The following MAGI2 variants were observed in gnomAD, a reference collection of about 807,000 sequenced individuals.
The protein encoded by MAGI2 is membrane associated guanylate kinase, WW and PDZ domain containing 2.
In MAGI2, 35 loss-of-function variants were observed where a neutral mutation model predicts 133.3. The ratio of observed to expected loss-of-function variants is 0.26; its 90% CI spans 0.20 to 0.35. The LOEUF is 0.35. MAGI2 is among the 10% of genes least tolerant of loss of function. The pLI, the probability that MAGI2 is intolerant of heterozygous loss-of-function variation, is 1.00. For missense variants in MAGI2, 1,636 were observed against 1,863.4 expected, an observed-to-expected ratio of 0.88 and a Z score of 2.25; for synonymous variants, 729 against 710.6, an observed-to-expected ratio of 1.03 and a Z score of -0.41.
intron 1 of MAGI2, among the ~76,000 whole-genome samples, chr7:79,086,105 C>T (rs1304957799): frequency 3.3e-5 from 5 of 151,864 alleles, no homozygotes; most frequent in African/African-American, 1.2e-4. Context: ...TGTTTTTAGC[C>T]TGTCTCTCAT....
intron 21 of MAGI2, among the ~76,000 whole-genome samples, chr7:78,064,246 C>T (rs1307021063): frequency 1.3e-5 from 2 of 151,742 alleles, no homozygotes; most frequent in Non-Finnish European, 2.9e-5. Flanking sequence ...CAGCAAGTTA[C>T]CTTTTGAGAG....
intron 1 of MAGI2, among the ~76,000 whole-genome samples, chr7:79,162,254 C>G (rs1824442175): frequency 6.6e-6 from 1 of 151,898 alleles, no homozygotes; most frequent in South Asian, 2.1e-4. Context: ...TTTTTCTATT[C>G]TGACACACAA....
rs1194623727 is a variant in MAGI2 at position 79,398,305 on chromosome 7, A to G, written c.301+54715T>C. 2.6e-5 allele frequency among the ~76,000 whole-genome samples: 4 copies of G among 152,302 alleles called. No homozygotes were observed. In the East Asian group the frequency reaches 7.7e-4, roughly 29 times the overall value. The stretch of plus-strand genomic sequence containing the variant: ...AGAAGCTTAGTATAGAGCACTATCC[A>G]TTCGGCCTGTGTCTCATTTCCCTTG... On this transcript the variant is annotated intron_variant, in intron 1 of 21. Coordinates refer to ENST00000354212, the MANE Select transcript of MAGI2 (RefSeq NM_012301.4).
chr7:79,060,086 C>CT (rs956152910), intron 1 of MAGI2, among the ~76,000 whole-genome samples: 6 of 151,918 alleles, frequency 3.9e-5, no homozygotes, highest in African/African-American at 7.2e-5. Context: ...AATCAATGGC[C>CT]TTTTTTTATC....
chr7:78,314,951 G>C (rs1256180738), intron 9 of MAGI2, among the ~76,000 whole-genome samples: 1 of 152,098 alleles, frequency 6.6e-6, no homozygotes, highest in African/African-American at 2.4e-5. Flanking sequence ...TATTACGGGT[G>C]GACTTTATCC....
intron 6 of MAGI2, among the ~76,000 whole-genome samples, chr7:78,396,505 T>A (rs541656580): frequency 2.6e-5 from 4 of 152,316 alleles, no homozygotes; most frequent in South Asian, 4.1e-4. Flanking sequence ...ATCATTCAAA[T>A]CTCCTTTCAC....
At chr7:79,189,430 A>T (rs1827458872) in intron 1 of MAGI2, among the ~76,000 whole-genome samples, 1 of 151,594 alleles carries the variant, frequency 6.6e-6, no homozygotes, top group Non-Finnish European at 1.5e-5. Flanking sequence ...ATTAAAAGTA[A>T]ATTTTCTGGA....
intron 1 of MAGI2, among the ~76,000 whole-genome samples, chr7:79,215,645 T>G (rs916467291): frequency 2.0e-5 from 3 of 151,996 alleles, no homozygotes; most frequent in African/African-American, 7.3e-5. Context: ...TCCACCTCCC[T>G]GACCCCCTCC....
chr7:79,403,076 C>T (rs1283071126), intron 1 of MAGI2, among the ~76,000 whole-genome samples: 1 of 152,198 alleles, frequency 6.6e-6, no homozygotes, highest in Non-Finnish European at 1.5e-5. Flanking sequence ...CACAGACACA[C>T]ACTCACTCAT....
intron 1 of MAGI2, among the ~76,000 whole-genome samples, chr7:79,342,910 C>A (rs548258812): frequency 4.7e-4 from 71 of 152,122 alleles, no homozygotes; most frequent in African/African-American, 1.6e-3. Flanking sequence ...CAGGCACGTG[C>A]CACCATGCCT....
At chr7:79,136,093 G>GAAAT (rs1562929332) in intron 1 of MAGI2, among the ~76,000 whole-genome samples, 1 of 149,342 alleles carries the variant, frequency 6.7e-6, no homozygotes, top group Admixed American at 6.7e-5. Flanking sequence ...AAGAAAGAAA[G>GAAAT]AAAGAAAGAA....
At chr7:78,441,191 A>G (rs1027500309) in intron 6 of MAGI2, among the ~76,000 whole-genome samples, 1 of 152,150 alleles carries the variant, frequency 6.6e-6, no homozygotes, top group African/African-American at 2.4e-5. Context: ...TAAGTTTTCT[A>G]CTTGTTTGCT....
At chr7:79,446,668 G>T (rs1396115397) in intron 1 of MAGI2, among the ~76,000 whole-genome samples, 1 of 152,074 alleles carries the variant, frequency 6.6e-6, no homozygotes, top group African/African-American at 2.4e-5. Context: ...ATATCAATGG[G>T]GGTTGGGCGC....
chr7:78,811,934 G>C (rs1447356084), intron 2 of MAGI2, among the ~76,000 whole-genome samples: 1 of 152,204 alleles, frequency 6.6e-6, no homozygotes, highest in African/African-American at 2.4e-5. Context: ...TGGTTGGGTT[G>C]AATCTGGTGA....
intron 6 of MAGI2, among the ~76,000 whole-genome samples, chr7:78,443,089 C>T (rs1413598689): frequency 3.1e-5 from 3 of 98,334 alleles, no homozygotes; most frequent in African/African-American, 1.1e-4. Context: ...CCTGTGCGTC[C>T]CTTCTTGTTG....
intron 1 of MAGI2, among the ~76,000 whole-genome samples, chr7:79,295,538 G>A (rs996908461): frequency 1.1e-4 from 16 of 151,646 alleles, no homozygotes; most frequent in African/African-American, 3.9e-4. Flanking sequence ...AGCTCCTTCA[G>A]GCACGGTCGA....
At chr7:79,236,747 G>GA (rs1234862688) in intron 1 of MAGI2, among the ~76,000 whole-genome samples, 2 of 152,164 alleles carry the variant, frequency 1.3e-5, no homozygotes, top group African/African-American at 4.8e-5. Flanking sequence ...AGCAAAAAAA[G>GA]AAAAACAAAC....
At chr7:78,791,817 T>C (rs1583906460) in intron 2 of MAGI2, among the ~76,000 whole-genome samples, 1 of 152,232 alleles carries the variant, frequency 6.6e-6, no homozygotes, top group East Asian at 1.9e-4. Context: ...CCCAAAATGC[T>C]GGGATTACAG....
At chr7:78,888,111 C>G (rs935003926) in intron 2 of MAGI2, among the ~76,000 whole-genome samples, 1 of 152,200 alleles carries the variant, frequency 6.6e-6, no homozygotes, top group Admixed American at 6.5e-5. Context: ...GGATTCTACA[C>G]CCACAGAACC....
Sources: gnomAD v4.1 joint callset for allele counts (sites outside exome capture counted in the v4.1 genomes callset) on GRCh38, gnomAD v4.1.1 for gene constraint, MANE v1.5 for transcripts, NCBI Gene and HGNC (gene_info 2026-07-23, HGNC 2026-07-21) for gene names.